RGMA: variants seen among roughly 807,000 people sequenced by gnomAD.
RGMA encodes repulsive guidance molecule BMP co-receptor a, also known as repulsive guidance molecule A.
A neutral mutation model predicts 23.2 loss-of-function variants in RGMA; 10 were observed. The ratio of observed to expected loss-of-function variants is 0.43; its 90% CI spans 0.27 to 0.73. RGMA has a LOEUF of 0.73. RGMA is among the 30% of genes least tolerant of loss of function. The pLI is 0.20. For missense variants in RGMA, 547 were observed against 630.5 expected (o/e 0.87, Z 1.42); for synonymous variants, 308 against 279.3 (o/e 1.10, Z -1.03).
chr15:93,036,366 A>T lies in RGMA; in HGVS notation c.*8632T>A, dbSNP rs1453197062. 2.0e-5 allele frequency: 3 copies of T among 152,248 alleles called. No homozygotes were observed. The highest frequency in any genetic ancestry group is 7.2e-5 in the African/African-American group (3 of 41,444). The allele number at this position is 152,248 out of a possible 1,614,324, so 9.4% of individuals were successfully genotyped here. A position where few individuals can be genotyped will look rare whatever the true frequency, so the allele number is the denominator to read the frequency against. On this transcript the variant is annotated 3_prime_UTR_variant, in exon 4 of 4. Transcript: ENST00000329082. Reference sequence around the variant, plus strand: ...ATGCAACCAACACCCACCCTGGGGCACTTGCCTTAAGGGATTAATCTGAGA... The same window carrying T: ...ATGCAACCAACACCCACCCTGGGGCTCTTGCCTTAAGGGATTAATCTGAGA...
rs1396815926 is a variant in RGMA, at chr15:93,052,303, T to A, written c.335A>T (p.Gln112Leu). 12 of 1,604,288 alleles carry A rather than the reference T, an allele frequency of 7.5e-6. No individual in the cohort carries two copies. Among genetic ancestry groups the A allele is most frequent in the Non-Finnish European group, 8.5e-6 (10 of 1,178,128 alleles). Residue 112 changes from glutamine to leucine, a missense_variant, in exon 3 of 4, where the codon CAG becomes CTG. Physicochemically the swap from Gln to Leu is moderately radical, Grantham distance 113. This residue lies in a region of RGMA where 214 missense variants were observed against 234.7 expected (regional missense o/e 0.91). Coordinates refer to ENST00000329082, the MANE Select transcript of RGMA (RefSeq NM_020211.3). ...GGGGCCATCCTTGGAGCAGTTGTGCTGGCTCATGAGGTCCTCTATGCCATG... is the reference window on the plus strand; with the variant it reads ...GGGGCCATCCTTGGAGCAGTTGTGCAGGCTCATGAGGTCCTCTATGCCATG... ...AVHGIEDLMS[Q>L]HNCSKDGPTS...
intron 3 of RGMA, among the ~76,000 whole-genome samples, chr15:93,046,461 G>A (rs1476407645): frequency 6.6e-6 from 1 of 152,096 alleles, no homozygotes; most frequent in East Asian, 1.9e-4. Context: ...CATTTCTGTT[G>A]GTTTGAACCA....
intron 2 of RGMA, among the ~76,000 whole-genome samples, chr15:93,072,326 T>C (rs1363988422): frequency 1.3e-5 from 2 of 152,186 alleles, no homozygotes; most frequent in African/African-American, 4.8e-5. Context: ...TCTCCTTTTC[T>C]GACACAATAA....
intron 2 of RGMA, chr15:93,062,696 T>C (rs1219519272): frequency 1.3e-5 from 2 of 152,162 alleles, no homozygotes; most frequent in Non-Finnish European, 2.9e-5. Context: ...GAAGGGAAGG[T>C]GGGAGGCAGG....
chr15:93,079,456 T>G (rs1895523556), intron 1 of RGMA, among the ~76,000 whole-genome samples: 1 of 152,226 alleles, frequency 6.6e-6, no homozygotes, highest in African/African-American at 2.4e-5. Flanking sequence ...GTTCAGCTAG[T>G]TAAGACTTTA....
chr15:93,069,460 G>C (rs573809276), intron 2 of RGMA, among the ~76,000 whole-genome samples: 5 of 152,180 alleles, frequency 3.3e-5, no homozygotes, highest in Admixed American at 2.0e-4. Context: ...TTTCTATAGC[G>C]ACACAGATGT....
At position 93,052,201 on chromosome 15, in the gene RGMA, T is replaced by C. The variant is rs369039498; in HGVS notation, c.437A>G (p.His146Arg). The C allele has an allele frequency of 1.4e-5, 23 of 1,610,852 alleles. No homozygotes were observed. In the African/African-American group the frequency reaches 2.3e-4, roughly 16 times the overall value. The stretch of plus-strand genomic sequence containing the variant: ...GTGCTTGTGAAAGCTCTTCTCGTAA[T>C]GGCAGATCTCGGGGCTGTCCGAGCG... The part of the protein sequence containing the change: ...QERSDSPEIC[H>R]YEKSFHKHSA... The change falls in exon 3 of 4, where the codon CAT becomes CGT. Residue 146 changes from histidine to arginine, a missense_variant. His to Arg is a conservative substitution (Grantham distance 29, BLOSUM62 0). This residue lies in a region of RGMA where 214 missense variants were observed against 234.7 expected (regional missense o/e 0.91). Transcript: ENST00000329082.
Position 93,037,332 on chromosome 15 carries a change from TC to T in RGMA, c.*7665del, listed in dbSNP as rs2054672091. ...GGTCTGGTTCTGGAGCCCGGGCCCT[TC>T]CTTCGGTCTGGGTGTGTCTGTGCCC... On this transcript the variant is annotated 3_prime_UTR_variant, in exon 4 of 4. Coordinates refer to ENST00000329082, the MANE Select transcript of RGMA (RefSeq NM_020211.3). The surrounding 1 kb of genome is among the most constrained non-coding windows in gnomAD (Gnocchi z 4.3). The T allele has an allele frequency of 6.6e-6, 1 of 152,244 alleles. No homozygotes were observed. 9.4% of individuals were successfully genotyped at this position (152,244 alleles called of 1,614,324 possible). A position where few individuals can be genotyped will look rare whatever the true frequency, so the allele number is the denominator to read the frequency against.
chr15:93,045,279 C>T lies in RGMA; in HGVS notation c.1072G>A (p.Glu358Lys), dbSNP rs369491448. ...TCCTTGCACTTGGCCACGGCTGTCT[C>T]GTATGGGAAGGTCTCGGGGGCTGTG... is the stretch of plus-strand genomic sequence containing the variant. ...APTAPETFPY[E>K]TAVAKCKEKL... is the part of the protein sequence containing the mutation. Residue 358 changes from glutamate to lysine, a missense_variant, in exon 4 of 4, where the codon GAG becomes AAG. Coordinates refer to ENST00000329082, the MANE Select transcript of RGMA (RefSeq NM_020211.3). The surrounding 1 kb of genome is among the most constrained non-coding windows in gnomAD (Gnocchi z 6.9). 7.4e-6 allele frequency: 12 copies of T among 1,612,898 alleles called. No individual in the cohort carries two copies. Among genetic ancestry groups the T allele is most frequent in the African/African-American group, 5.3e-5 (4 of 74,892 alleles).
In RGMA at chr15:93,088,920, T is replaced by C. The variant is rs1323552608; in HGVS notation, c.13A>G (p.Arg5Gly). 2.1e-6 allele frequency: 3 copies of C among 1,462,040 alleles called. No homozygotes were observed. Among genetic ancestry groups the C allele is most frequent in the South Asian group, 1.3e-5 (1 of 75,956 alleles). 90.6% of individuals were successfully genotyped at this position (1,462,040 alleles called of 1,614,324 possible). A position where few individuals can be genotyped will look rare whatever the true frequency, so the allele number is the denominator to read the frequency against. ...GCCCGGCTCCCGACCCGCGCTTACC[T>C]TGGCGGCTGCATGAGCCCCTGCGGC... MQPP[R>G]ERLVVTGRAG... is the part of the protein sequence containing the mutation. The change falls in exon 1 of 4, where the codon AGG becomes GGG. Residue 5 changes from arginine to glycine, a missense_variant and splice_region_variant. By Grantham distance (125) the Arg-to-Gly change is moderately radical. Around this residue, in one of 3 missense-constraint regions of RGMA, gnomAD observed 214 missense variants for 234.7 expected, o/e 0.91. Coordinates refer to ENST00000329082, the MANE Select transcript of RGMA (RefSeq NM_020211.3).
chr15:93,048,901 G>A (rs891902038), intron 3 of RGMA, among the ~76,000 whole-genome samples: 2 of 140,060 alleles, frequency 1.4e-5, no homozygotes, highest in African/African-American at 5.3e-5. Context: ...CAGACACTGG[G>A]GGTGGGGGGG....
intron 2 of RGMA, among the ~76,000 whole-genome samples, chr15:93,072,607 T>G (rs1324728866): frequency 6.6e-6 from 1 of 151,822 alleles, no homozygotes; most frequent in Non-Finnish European, 1.5e-5. Flanking sequence ...CCCGAGCCCC[T>G]AGGAGGCACG....
chr15:93,050,492 C>T (rs1018099259), intron 3 of RGMA, among the ~76,000 whole-genome samples: 5 of 152,192 alleles, frequency 3.3e-5, no homozygotes, highest in South Asian at 4.1e-4. Flanking sequence ...CAAAGGTGGC[C>T]TTCGGTTGCA....
At chr15:93,075,117 G>A (rs185817771) in intron 1 of RGMA, among the ~76,000 whole-genome samples, 17 of 144,368 alleles carry the variant, frequency 1.2e-4, no homozygotes, top group African/African-American at 4.1e-4. Flanking sequence ...TTTTCAATGA[G>A]AACAGAAAAA....
At chr15:93,081,994 G>C (rs139267975) in intron 1 of RGMA, among the ~76,000 whole-genome samples, 2 of 152,202 alleles carry the variant, frequency 1.3e-5, no homozygotes, top group African/African-American at 4.8e-5. Context: ...CATGCAGTCC[G>C]AACACAGACT....
chr15:93,073,113 C>T, intron 1 of RGMA, 82 bp from the exon 2 acceptor site: 5 of 1,375,912 alleles, frequency 3.6e-6, no homozygotes, highest in Non-Finnish European at 3.8e-6. Flanking sequence ...GCGGGAGCAG[C>T]GAGCCGGGAG....
intron 2 of RGMA, among the ~76,000 whole-genome samples, chr15:93,064,432 G>A (rs954575440): frequency 3.3e-4 from 50 of 152,328 alleles, no homozygotes; most frequent in African/African-American, 1.0e-3. Flanking sequence ...GGGCTCCTCC[G>A]CCTAGCCTGC....
chr15:93,083,322 A>G (rs1368546178), intron 1 of RGMA, among the ~76,000 whole-genome samples: 1 of 152,054 alleles, frequency 6.6e-6, no homozygotes, highest in Non-Finnish European at 1.5e-5. Context: ...CAGGAAAGCA[A>G]GAGAAGCTTT....
intron 2 of RGMA, among the ~76,000 whole-genome samples, chr15:93,058,810 G>T (rs1310675147): frequency 2.6e-5 from 4 of 152,130 alleles, no homozygotes; most frequent in African/African-American, 9.7e-5. Context: ...AGGTGCTGCG[G>T]GGCCACAAAG....
Sources: allele counts gnomAD v4.1 joint callset (sites outside exome capture counted in the v4.1 genomes callset), GRCh38; gene constraint gnomAD v4.1.1; regional missense constraint gnomAD v4.1.1; non-coding constraint Gnocchi (gnomAD v3.1); transcripts MANE v1.5; gene names NCBI Gene and HGNC (gene_info 2026-07-23, HGNC 2026-07-21).